The following INPPL1 variants were observed in gnomAD, a reference collection of about 807,000 sequenced individuals.
INPPL1 encodes inositol polyphosphate phosphatase like 1, also known as phosphatidylinositol 3,4,5-trisphosphate 5-phosphatase 2.
A neutral mutation model predicts 139.3 loss-of-function variants in INPPL1; 91 were observed. The ratio of observed to expected loss-of-function variants is 0.65; its 90% CI spans 0.55 to 0.78. INPPL1 has a LOEUF of 0.78. Among genes scored for constraint, INPPL1 ranks in the 30% least tolerant of loss-of-function variants. INPPL1 has a pLI of 0.00. For missense variants in INPPL1, 1,411 were observed against 1,665.6 expected (o/e 0.85, Z 2.66); for synonymous variants, 719 against 686.6 (o/e 1.05, Z -0.74).
chr11:72,231,001 C>A lies in INPPL1; in HGVS notation c.1309C>A (p.Pro437Thr), dbSNP rs777378156. The change falls in exon 12 of 28, where the codon CCA becomes ACA. Residue 437 changes from proline (P) to threonine (T), a missense_variant. By Grantham distance (38) the Pro-to-Thr change is conservative (BLOSUM62 -1). Transcript: ENST00000298229. ...FIGTWNMGSV[P>T]PPKNVTSWFT... is the part of the protein sequence containing the mutation. ...ACCCCCTTCACCTCCAGGAAGTGTA[C>A]CACCTCCAAAAAACGTGACATCCTG... 1.4e-5 allele frequency: 22 copies of A among 1,613,322 alleles called. No homozygotes were observed. The highest frequency in any genetic ancestry group is 1.8e-5 in the Non-Finnish European group (21 of 1,179,562).
rs781385603 is a variant in INPPL1, at chr11:72,228,171, G to C, written c.183-19G>C. 8.1e-6 allele frequency: 13 copies of C among 1,613,890 alleles called. No individual in the cohort carries two copies. In the Admixed American group the frequency reaches 1.7e-4, roughly 21 times the overall value. Reference sequence around the variant, plus strand: ...CCCCAGCCTGGGGGTGACAGATTCTGGCCCTGCCTTGGCATCAGGTATCAG... The same window carrying C: ...CCCCAGCCTGGGGGTGACAGATTCTCGCCCTGCCTTGGCATCAGGTATCAG... On this transcript the variant is annotated intron_variant, in intron 1 of 27. Coordinates refer to ENST00000298229, the MANE Select transcript of INPPL1 (RefSeq NM_001567.4). The surrounding 1 kb of genome is among the most constrained non-coding windows in gnomAD (Gnocchi z 5.0).
Position 72,237,541 on chromosome 11 carries a change from G to A in INPPL1, c.3297G>A (p.Leu1099=). 6.2e-7 allele frequency: 1 copy of A among 1,601,692 alleles called. No individual in the cohort carries two copies. The highest frequency in any genetic ancestry group is 8.5e-7 in the Non-Finnish European group (1 of 1,171,988). The change falls in exon 26 of 28, where the codon CTG becomes CTA. Residue 1099 remains leucine (L), a synonymous_variant. Coordinates refer to ENST00000298229, the MANE Select transcript of INPPL1 (RefSeq NM_001567.4). The part of the protein sequence containing the change: ...PPPKAHPRPP[L]PPGPSPASTF... ...CCAAGGCCCATCCAAGGCCTCCACTGCCCCCAGGCCCCTCACCAGCCAGCA... is the reference window on the plus strand; with the variant it reads ...CCAAGGCCCATCCAAGGCCTCCACTACCCCCAGGCCCCTCACCAGCCAGCA...
Position 72,237,718 on chromosome 11 carries a change from GCCCTCGGACTATGGCCGGC to G in INPPL1, c.3480_3498del (p.Asp1161AlafsTer35). ...TGGAGCTGCAGCCCCCCCGGGGACT[GCCCTCGGACTATGGCCGGC>G]CCCTCAGCTTCCCTCCACCCCGCAT... On this transcript the variant is annotated frameshift_variant, in exon 26 of 28. Transcript: ENST00000298229. LOFTEE classifies it high-confidence loss of function. 1.2e-6 allele frequency: 2 copies of G among 1,611,788 alleles called. No individual in the cohort carries two copies. The highest frequency in any genetic ancestry group is 1.7e-6 in the Non-Finnish European group (2 of 1,179,564).
At position 72,235,930 on chromosome 11, in the gene INPPL1, G is replaced by T. The variant is rs906764223; in HGVS notation, c.2823G>T (p.Thr941=). Residue 941 remains threonine (T), a synonymous_variant, in exon 25 of 28, where the codon ACG becomes ACT. Transcript: ENST00000298229. This position sits in a 1 kb window ranked among gnomAD's most constrained non-coding sequence, Gnocchi z 4.9. ...LFEEPEKPPP[T]GRPPAPPRAA... The stretch of plus-strand genomic sequence containing the variant: ...AAGAACCAGAGAAACCGCCACCAAC[G>T]GGGAGGCCCCCAGCCCCACCCCGAG... 2 of 1,612,664 alleles carry T rather than the reference G, an allele frequency of 1.2e-6. No individual in the cohort carries two copies. Among genetic ancestry groups the T allele is most frequent in the Non-Finnish European group, 1.7e-6 (2 of 1,179,624 alleles).
chr11:72,223,585 T>G (rs888940671), upstream of INPPL1: 2 of 151,910 alleles, frequency 1.3e-5, no homozygotes, highest in Non-Finnish European at 2.9e-5. Flanking sequence ...GCTGTCACCT[T>G]CGTTTCTCCT....
Position 72,229,928 on chromosome 11 carries a change from T to C in INPPL1, c.848T>C (p.Leu283Pro). Residue 283 changes from leucine to proline, a missense_variant, in exon 8 of 28, where the codon CTG (leucine) becomes CCG (proline). Physicochemically the swap from Leu to Pro is moderately conservative, Grantham distance 98. Around this residue, in one of 5 missense-constraint regions of INPPL1, gnomAD observed 504 missense variants for 595.6 expected, o/e 0.85. Coordinates refer to ENST00000298229, the MANE Select transcript of INPPL1 (RefSeq NM_001567.4). ...DFLSGIQKKA[L>P]KALQDMSSTA... The stretch of plus-strand genomic sequence containing the variant: ...CCCTGCCCTTGTTCCCTCCAGGCCC[T>C]GAAGGCCCTACAGGACATGAGCTCC... The C allele has an allele frequency of 6.2e-7, 1 of 1,614,014 alleles. No homozygotes were observed. The highest frequency in any genetic ancestry group is 1.3e-5 in the African/African-American group (1 of 75,040).
chr11:72,232,841 G>A, intron 15 of INPPL1, 34 bp from the exon 16 acceptor site: 2 of 1,613,764 alleles, frequency 1.2e-6, no homozygotes, highest in Middle Eastern at 1.6e-4. Context: ...TGGCTCCGGA[G>A]GAATGTTTCT....
intron 13 of INPPL1, among the ~76,000 whole-genome samples, 170 bp from the exon 14 acceptor site, chr11:72,232,070 A>AC (rs561364107): frequency 9.8e-4 from 144 of 147,138 alleles, no homozygotes; most frequent in Admixed American, 9.5e-4. Flanking sequence ...CCCAATGAGG[A>AC]CCCCCCCCTC....
In INPPL1 at chr11:72,231,766, A is replaced by G. The variant is rs889705370; in HGVS notation, c.1615+151A>G. 151 of 652,234 alleles carry G rather than the reference A, an allele frequency of 2.3e-4. 2 individuals carry two copies. Among genetic ancestry groups the G allele is most frequent in the South Asian group, 2.0e-3 (114 of 55,992 alleles). The allele number at this position is 652,234 out of a possible 1,614,324, so 40.4% of individuals were successfully genotyped here. On this transcript the variant is annotated intron_variant, in intron 13 of 27. Coordinates refer to ENST00000298229, the MANE Select transcript of INPPL1 (RefSeq NM_001567.4). ...ACTTTGAAAAACATATTCATATTCT[A>G]AATCTCTCCCAGCACCACTGGGAAG...
intron 25 of INPPL1, 58 bp downstream of exon 25, chr11:72,236,044 A>G (rs1436669215): frequency 1.5e-5 from 14 of 925,482 alleles, no homozygotes; most frequent in Middle Eastern, 3.4e-4. Flanking sequence ...ATCCATCACT[A>G]TCCCCTGCAG....
At position 72,229,669 on chromosome 11, in the gene INPPL1, C is replaced by T; in HGVS notation, c.760C>T (p.Pro254Ser). 1 of 1,614,012 alleles carries T rather than the reference C, an allele frequency of 6.2e-7. No individual in the cohort carries two copies. The stretch of plus-strand genomic sequence containing the variant: ...TGGTTCTTCCTCCCCCCAGAACCTG[C>T]CACAGACAGGGGAGCAGGAACTAGA... ...VTRLLQQQNLPQTGEQELESL... is the reference protein window; with the variant it reads ...VTRLLQQQNLSQTGEQELESL... The change falls in exon 7 of 28, where the codon CCA (proline) becomes TCA (serine). Residue 254 changes from proline to serine, a missense_variant. Transcript: ENST00000298229.
Position 72,225,013 on chromosome 11 carries a change from C to CG in INPPL1, c.35dup (p.Ala13ArgfsTer62), listed in dbSNP as rs878853122. On this transcript the variant is annotated frameshift_variant, in exon 1 of 28. Transcript: ENST00000298229. LOFTEE classifies it high-confidence loss of function. ...GCCTCGGCCTGCGGGGCGCCGGGCC[C>CG]GGGGGGCGCCCTGGGCAGCCAGGCC... 2.5e-6 allele frequency: 3 copies of CG among 1,212,768 alleles called. No individual in the cohort carries two copies. The highest frequency in any genetic ancestry group is 3.1e-6 in the Non-Finnish European group (3 of 976,194). The allele number at this position is 1,212,768 out of a possible 1,614,324, so 75.1% of individuals were successfully genotyped here. A position where few individuals can be genotyped will look rare whatever the true frequency, so the allele number is the denominator to read the frequency against.
intron 7 of INPPL1, 61 bp from the exon 8 acceptor site, chr11:72,229,863 T>G (rs2135425906): frequency 1.3e-6 from 2 of 1,573,198 alleles, no homozygotes; most frequent in Middle Eastern, 3.8e-4. Context: ...GTCAATTGTG[T>G]CCCTCCCTGC....
At chr11:72,236,040 C>T in intron 25 of INPPL1, 54 bp downstream of exon 25, 3 of 971,736 alleles carry the variant, frequency 3.1e-6, no homozygotes, top group Non-Finnish European at 4.6e-6. Flanking sequence ...CTCTATCCAT[C>T]ACTATCCCCT....
At chr11:72,223,566 G>A (rs941277550), upstream of INPPL1, 3 of 152,194 alleles carry the variant, frequency 2.0e-5, no homozygotes, top group African/African-American at 4.8e-5. Flanking sequence ...GCGCTTTACA[G>A]TTTACACAGC....
chr11:72,237,931 T>C, intron 26 of INPPL1, 111 bp from the exon 27 acceptor site: 1 of 1,444,096 alleles, frequency 6.9e-7, no homozygotes, highest in African/African-American at 1.4e-5. Flanking sequence ...GGGAGACACA[T>C]GTATCAGCCC....
Position 72,238,116 on chromosome 11 carries a change from C to T in INPPL1, c.3627C>T (p.Gly1209=). Residue 1209 remains glycine, a synonymous_variant, in exon 27 of 28, where the codon GGC becomes GGT. Transcript: ENST00000298229. ...TGAGTGCCTGGCTGCGGGCCATCGG[C>T]TTGGAGCGCTATGAGGAGGGCCTGG... is the stretch of plus-strand genomic sequence containing the variant. ...AGMSAWLRAI[G]LERYEEGLVH... The T allele has an allele frequency of 6.3e-7, 1 of 1,581,190 alleles. No homozygotes were observed. Among genetic ancestry groups the T allele is most frequent in the Non-Finnish European group, 8.6e-7 (1 of 1,163,850 alleles).
intron 26 of INPPL1, 108 bp from the exon 27 acceptor site, chr11:72,237,934 A>G: frequency 6.9e-7 from 1 of 1,449,776 alleles, no homozygotes; most frequent in African/African-American, 1.4e-5. Context: ...AGACACATGT[A>G]TCAGCCCAGC....
In INPPL1 at chr11:72,230,182, T is replaced by G. The variant is rs1262268242; in HGVS notation, c.1001T>G (p.Leu334Arg). 1.9e-6 allele frequency: 3 copies of G among 1,612,038 alleles called. No individual in the cohort carries two copies. The highest frequency in any genetic ancestry group is 3.3e-5 in the Admixed American group (2 of 59,884). Residue 334 changes from leucine (L) to arginine (R), a missense_variant, in exon 9 of 28, where the codon CTG (leucine) becomes CGG (arginine). This residue lies in a region of INPPL1 where 504 missense variants were observed against 595.6 expected (regional missense o/e 0.85). Coordinates refer to ENST00000298229, the MANE Select transcript of INPPL1 (RefSeq NM_001567.4). ...TKIGKSQKFT[L>R]SVDVEGGRLV... ...ATTGGGAAGTCACAGAAGTTCACGCTGAGCGTGGATGTGGAGGGTGGGCGG... is the reference window on the plus strand; with the variant it reads ...ATTGGGAAGTCACAGAAGTTCACGCGGAGCGTGGATGTGGAGGGTGGGCGG...
Sources: gnomAD v4.1 joint callset for allele counts (sites outside exome capture counted in the v4.1 genomes callset) on GRCh38, gnomAD v4.1.1 for gene constraint, gnomAD v4.1.1 regional missense constraint, Gnocchi (gnomAD v3.1) non-coding constraint, MANE v1.5 for transcripts, NCBI Gene and HGNC (gene_info 2026-07-23, HGNC 2026-07-21) for gene names.